The following PPP3CA variants were observed in gnomAD, a reference collection of about 807,000 sequenced individuals.
The protein encoded by PPP3CA is CAM-PRP catalytic subunit.
In PPP3CA, 14 loss-of-function variants were observed where a neutral mutation model predicts 66.5. That is an observed-to-expected ratio of 0.21 (90% CI 0.14 to 0.33). PPP3CA has a LOEUF of 0.33. Among genes scored for constraint, PPP3CA ranks in the 10% least tolerant of loss-of-function variants. The pLI, the probability that PPP3CA is intolerant of heterozygous loss-of-function variation, is 1.00. For synonymous variants in PPP3CA, 232 were observed against 226.2 expected, an observed-to-expected ratio of 1.03 and a Z score of -0.23; for missense variants, 317 against 639.5, an observed-to-expected ratio of 0.50 and a Z score of 5.44.
At chr4:101,109,973 G>A (rs955729396) in intron 2 of PPP3CA, among the ~76,000 whole-genome samples, 1 of 152,032 alleles carries the variant, frequency 6.6e-6, no homozygotes, top group Admixed American at 6.5e-5. Context: ...TGGCTTGGTA[G>A]GGTCACTCCT....
chr4:101,238,288 T>A (rs181485708), intron 1 of PPP3CA, among the ~76,000 whole-genome samples: 2 of 152,176 alleles, frequency 1.3e-5, no homozygotes, highest in East Asian at 3.9e-4. Flanking sequence ...ATAATTATTA[T>A]CTTAATTGAT....
intron 1 of PPP3CA, among the ~76,000 whole-genome samples, chr4:101,235,862 T>A (rs765205472): frequency 3.9e-5 from 6 of 151,922 alleles, no homozygotes; most frequent in African/African-American, 1.4e-4. Flanking sequence ...AGGGCCCATA[T>A]GACTTTCCAA....
At chr4:101,069,082 T>A (rs1728802343) in intron 8 of PPP3CA, among the ~76,000 whole-genome samples, 1 of 152,126 alleles carries the variant, frequency 6.6e-6, no homozygotes, top group Non-Finnish European at 1.5e-5. Context: ...TTGCTCAGGC[T>A]GGAATGCAAT....
chr4:101,254,609 G>A (rs1411505308), intron 1 of PPP3CA, among the ~76,000 whole-genome samples: 1 of 151,794 alleles, frequency 6.6e-6, no homozygotes, highest in East Asian at 1.9e-4. Flanking sequence ...TCAATACTGG[G>A]AAGGTGTTCA....
chr4:101,248,335 A>G (rs1726556927), intron 1 of PPP3CA, among the ~76,000 whole-genome samples: 1 of 152,224 alleles, frequency 6.6e-6, no homozygotes, highest in Non-Finnish European at 1.5e-5. Context: ...TTTTCTTGTT[A>G]GAATTAAAGA....
intron 1 of PPP3CA, among the ~76,000 whole-genome samples, chr4:101,291,835 A>G (rs2110289674): frequency 6.6e-6 from 1 of 152,258 alleles, no homozygotes; most frequent in Non-Finnish European, 1.5e-5. Context: ...AACTTGTCCT[A>G]TAACACACAT....
chr4:101,197,582 A>G (rs1164297009), intron 1 of PPP3CA, among the ~76,000 whole-genome samples: 1 of 152,228 alleles, frequency 6.6e-6, no homozygotes, highest in Admixed American at 6.5e-5. Flanking sequence ...TGAGGATTAC[A>G]TCTATCTGAG....
chr4:101,065,584 C>A (rs1246769768), intron 8 of PPP3CA, among the ~76,000 whole-genome samples: 1 of 152,108 alleles, frequency 6.6e-6, no homozygotes, highest in Non-Finnish European at 1.5e-5. Context: ...GAGAAACTTG[C>A]TCAAGATCAT....
intron 2 of PPP3CA, among the ~76,000 whole-genome samples, chr4:101,166,319 T>A (rs1350923971): frequency 1.3e-5 from 2 of 152,138 alleles, no homozygotes; most frequent in African/African-American, 4.8e-5. Context: ...GCCAAAATAT[T>A]ACACAATTGT....
chr4:101,128,980 C>A (rs1283651600), intron 2 of PPP3CA, among the ~76,000 whole-genome samples: 2 of 152,180 alleles, frequency 1.3e-5, no homozygotes, highest in African/African-American at 4.8e-5. Context: ...TGGAGCCCAG[C>A]AAGCTATGAT....
chr4:101,303,481 C>A (rs1022342870), intron 1 of PPP3CA, among the ~76,000 whole-genome samples: 2 of 152,072 alleles, frequency 1.3e-5, no homozygotes, highest in Non-Finnish European at 2.9e-5. Context: ...TCAAAAATAT[C>A]ATGTACATTT....
intron 8 of PPP3CA, among the ~76,000 whole-genome samples, chr4:101,071,515 G>T (rs762481801): frequency 6.6e-6 from 1 of 152,132 alleles, no homozygotes; most frequent in Non-Finnish European, 1.5e-5. Flanking sequence ...ATGCTTTATA[G>T]AGAATGAGAT....
chr4:101,207,470 G>A (rs1234632156), intron 1 of PPP3CA, among the ~76,000 whole-genome samples: 1 of 152,176 alleles, frequency 6.6e-6, no homozygotes, highest in Non-Finnish European at 1.5e-5. Flanking sequence ...ACCAGTCAAA[G>A]TGAATCCAAA....
chr4:101,059,247 T>C (rs555486711), intron 10 of PPP3CA, among the ~76,000 whole-genome samples: 2 of 152,250 alleles, frequency 1.3e-5, no homozygotes, highest in East Asian at 3.9e-4. Context: ...AAAATGTCCA[T>C]TGATCTCTTG....
chr4:101,283,701 G>T (rs927618434), intron 1 of PPP3CA, among the ~76,000 whole-genome samples: 2 of 152,106 alleles, frequency 1.3e-5, no homozygotes, highest in African/African-American at 4.8e-5. Context: ...TTGATTTGGA[G>T]GGTAGACACC....
intron 2 of PPP3CA, among the ~76,000 whole-genome samples, chr4:101,129,258 T>C (rs963517549): frequency 2.0e-5 from 3 of 152,152 alleles, no homozygotes. Flanking sequence ...CAGGGGCTTA[T>C]AGATAAAACT....
intron 10 of PPP3CA, among the ~76,000 whole-genome samples, chr4:101,054,865 T>C (rs1367561808): frequency 6.6e-6 from 1 of 152,156 alleles, no homozygotes; most frequent in Non-Finnish European, 1.5e-5. Context: ...TTCTACCATG[T>C]GGTTTGCTCT....
At chr4:101,191,969 C>A (rs902592113) in intron 2 of PPP3CA, among the ~76,000 whole-genome samples, 1 of 152,188 alleles carries the variant, frequency 6.6e-6, no homozygotes, top group African/African-American at 2.4e-5. Context: ...GCTGGCCTAT[C>A]CCCTCTGCCC....
chr4:101,097,523 C>G (rs968751589), intron 5 of PPP3CA, among the ~76,000 whole-genome samples: 1 of 151,878 alleles, frequency 6.6e-6, no homozygotes, highest in Non-Finnish European at 1.5e-5. Flanking sequence ...TAAAATAATT[C>G]CAAGTAATAT....
Sources: gnomAD v4.1 joint callset for allele counts (sites outside exome capture counted in the v4.1 genomes callset) on GRCh38, gnomAD v4.1.1 for gene constraint, MANE v1.5 for transcripts, NCBI Gene and HGNC (gene_info 2026-07-23, HGNC 2026-07-21) for gene names.